The following SMIM7 variants were observed in gnomAD, a reference collection of about 807,000 sequenced individuals.
The protein encoded by SMIM7 is small integral membrane protein 7.
In SMIM7, 12 loss-of-function variants were observed where a neutral mutation model predicts 13.3. That is an observed-to-expected ratio of 0.90 (90% CI 0.58 to 1.46). SMIM7 has a LOEUF of 1.46. Among genes scored for constraint, SMIM7 ranks in the 40% most tolerant of loss-of-function variants. The pLI is 0.00. For synonymous variants in SMIM7, 36 were observed against 35.8 expected, an observed-to-expected ratio of 1.01 and a Z score of -0.02; for missense variants, 114 against 94.8, an observed-to-expected ratio of 1.20 and a Z score of -0.84.
chr19:16,659,877 A>C, intron 2 of SMIM7, 82 bp downstream of exon 2: 3 of 1,525,330 alleles, frequency 2.0e-6, no homozygotes, highest in Non-Finnish European at 2.6e-6. Flanking sequence ...GCGGGGCCTG[A>C]GAAGTGCGCC....
intron 4 of SMIM7, among the ~76,000 whole-genome samples, chr19:16,649,431 G>A (rs1368727861): frequency 6.6e-6 from 1 of 152,002 alleles, no homozygotes; most frequent in Non-Finnish European, 1.5e-5. Context: ...CAAAAAATTA[G>A]GCATGGTGGT....
intron 4 of SMIM7, chr19:16,634,515 A>C (rs926868560): frequency 6.6e-6 from 1 of 152,138 alleles, no homozygotes; most frequent in Non-Finnish European, 1.5e-5. Flanking sequence ...AGTGGCTCAC[A>C]CCTGTAATCC....
chr19:16,643,400 T>TA (rs550918859), downstream of SMIM7, among the ~76,000 whole-genome samples: 518 of 152,244 alleles, frequency 3.4e-3, 2 homozygotes, highest in African/African-American at 0.012. Flanking sequence ...ATTAGTAGTT[T>TA]AAAAAAAATT....
At chr19:16,658,067 C>T (rs567376580) in intron 3 of SMIM7, among the ~76,000 whole-genome samples, 1 of 152,250 alleles carries the variant, frequency 6.6e-6, no homozygotes, top group South Asian at 2.1e-4. Flanking sequence ...CTCAGGGTTC[C>T]CCCATCCTTG....
At chr19:16,641,166 G>A (rs1043082019), downstream of SMIM7, 1 of 152,124 alleles carries the variant, frequency 6.6e-6, no homozygotes, top group Non-Finnish European at 1.5e-5. Context: ...GGCCAAACAG[G>A]TGACATTTTC....
At chr19:16,638,278 C>T (rs997759872) in intron 4 of SMIM7, among the ~76,000 whole-genome samples, 4 of 150,218 alleles carry the variant, frequency 2.7e-5, no homozygotes, top group Non-Finnish European at 5.9e-5. Flanking sequence ...AACCGTGAGG[C>T]AATTAAACCT....
In SMIM7 at chr19:16,654,015, A is replaced by G; in HGVS notation, c.212+20T>C. The G allele has an allele frequency of 1.2e-6, 2 of 1,608,368 alleles. No individual in the cohort carries two copies. The highest frequency in any genetic ancestry group is 1.7e-6 in the Non-Finnish European group (2 of 1,176,170). On this transcript the variant is annotated intron_variant, in intron 4 of 4. Transcript: ENST00000487416. ...GAGACTAAGAGACGACAGTGAAAGG[A>G]AAGGGCAGGCTGGACTCACACAATC...
rs1285652835 is a variant in SMIM7 at position 16,659,671 on chromosome 19, G to A, written c.69-224C>T. 132 of 654,090 alleles carry A rather than the reference G, an allele frequency of 2.0e-4. 1 individual carries two copies. In the East Asian group the frequency reaches 3.4e-3, roughly 17 times the overall value. 40.5% of individuals were successfully genotyped at this position (654,090 alleles called of 1,614,324 possible). ...CGTTTACAAAGTGGCCCGACAGTGC[G>A]GGTGCAGGGCGGAAGGTCCGCGGTG... On this transcript the variant is annotated intron_variant, in intron 2 of 4. Coordinates refer to ENST00000487416, the MANE Select transcript of SMIM7 (RefSeq NM_024104.4).
Position 16,652,754 on chromosome 19 carries a change from T to C in SMIM7, c.212+1281A>G, listed in dbSNP as rs1404512930. On this transcript the variant is annotated intron_variant, in intron 4 of 4. Transcript: ENST00000487416. The stretch of plus-strand genomic sequence containing the variant: ...GGACAGCAACCCCACATTCGGAGTC[T>C]CAATCACTCAGGACAGACAACTTTT... 4 of 1,465,932 alleles carry C rather than the reference T, an allele frequency of 2.7e-6. No individual in the cohort carries two copies. In the African/African-American group the frequency reaches 5.7e-5, roughly 21 times the overall value. 90.8% of individuals were successfully genotyped at this position (1,465,932 alleles called of 1,614,324 possible).
chr19:16,644,470 T>C (rs930189408), downstream of SMIM7, among the ~76,000 whole-genome samples: 1 of 144,494 alleles, frequency 6.9e-6, no homozygotes, highest in Non-Finnish European at 1.5e-5. Flanking sequence ...AAGATCTTGC[T>C]CTGTCACCCA....
intron 2 of SMIM7, chr19:16,659,747 G>A (rs1194266899): frequency 2.9e-6 from 2 of 688,898 alleles, no homozygotes; most frequent in Admixed American, 5.3e-5. Flanking sequence ...GGTGAACAGA[G>A]GGACAACCAA....
At chr19:16,655,008 G>C (rs974202295) in intron 3 of SMIM7, among the ~76,000 whole-genome samples, 1 of 152,088 alleles carries the variant, frequency 6.6e-6, no homozygotes, top group Non-Finnish European at 1.5e-5. Context: ...GGGGAATTGA[G>C]AGCTGCAGAG....
At chr19:16,639,314 G>A (rs1568298192) in intron 4 of SMIM7, among the ~76,000 whole-genome samples, 1 of 151,962 alleles carries the variant, frequency 6.6e-6, no homozygotes, top group Non-Finnish European at 1.5e-5. Flanking sequence ...AGTAGAGACG[G>A]GGTTTCACCG....
chr19:16,656,617 A>G (rs2086600205), intron 3 of SMIM7, among the ~76,000 whole-genome samples: 1 of 151,170 alleles, frequency 6.6e-6, no homozygotes, highest in South Asian at 2.1e-4. Flanking sequence ...AAGCCTTTCC[A>G]GCCGGGTGCC....
In SMIM7 at chr19:16,654,120, T is replaced by C; in HGVS notation, c.127A>G (p.Asn43Asp). Residue 43 changes from asparagine to aspartate, a missense_variant, in exon 4 of 5, where the codon AAC becomes GAC. By Grantham distance (23) the Asn-to-Asp change is conservative. Coordinates refer to ENST00000487416, the MANE Select transcript of SMIM7 (RefSeq NM_024104.4). Reference protein sequence around the residue: ...EESREPSTGDNIREFLLSLRY... With the variant: ...EESREPSTGDDIREFLLSLRY... The stretch of plus-strand genomic sequence containing the variant: ...AGGCTCAGCAAGAATTCCCGGATGT[T>C]GTCACCTGGAAGAATCAGAAAGCAC... The C allele has an allele frequency of 1.2e-6, 2 of 1,613,764 alleles. No homozygotes were observed. Among genetic ancestry groups the C allele is most frequent in the Non-Finnish European group, 1.7e-6 (2 of 1,179,740 alleles).
Position 16,650,225 on chromosome 19 carries a change from A to G in SMIM7, c.213-2964T>C, listed in dbSNP as rs116415802. 5.6e-3 allele frequency among the ~76,000 whole-genome samples: 856 copies of G among 152,284 alleles called. 7 individuals carry two copies. The highest frequency in any genetic ancestry group is 0.019 in the African/African-American group (795 of 41,564). ...GTTGAAACACACTGCCACCACCTACATTCTGCAATTAACACTTTGCTGTAC... is the reference window on the plus strand; with the variant it reads ...GTTGAAACACACTGCCACCACCTACGTTCTGCAATTAACACTTTGCTGTAC... On this transcript the variant is annotated intron_variant, in intron 4 of 4. Coordinates refer to ENST00000487416, the MANE Select transcript of SMIM7 (RefSeq NM_024104.4).
intron 1 of SMIM7, 28 bp downstream of exon 1, chr19:16,660,057 C>G (rs1220335342): frequency 6.2e-7 from 1 of 1,614,070 alleles, no homozygotes; most frequent in African/African-American, 1.3e-5. Flanking sequence ...CTGGCTCTCT[C>G]TTCCCAGCCT....
Position 16,654,082 on chromosome 19 carries a change from T to G in SMIM7, c.165A>C (p.Arg55=). 1 of 1,614,058 alleles carries G rather than the reference T, an allele frequency of 6.2e-7. No homozygotes were observed. The highest frequency in any genetic ancestry group is 8.5e-7 in the Non-Finnish European group (1 of 1,180,010). The change falls in exon 4 of 5, where the codon CGA becomes CGC. Residue 55 remains arginine (R), a synonymous_variant. Coordinates refer to ENST00000487416, the MANE Select transcript of SMIM7 (RefSeq NM_024104.4). ...AGATGTTCCACAGGGCGATGAAGAT[T>G]CGAAAGTATCTGAGGCTCAGCAAGA... The part of the protein sequence containing the change: ...REFLLSLRYF[R]IFIALWNIFM...
chr19:16,654,297 G>A (rs1354142400), intron 3 of SMIM7, among the ~76,000 whole-genome samples, 172 bp from the exon 4 acceptor site: 1 of 151,946 alleles, frequency 6.6e-6, no homozygotes, highest in Non-Finnish European at 1.5e-5. Context: ...ATCAGGCTGT[G>A]TCTACCACTG....
Sources: gnomAD v4.1 joint callset for allele counts (sites outside exome capture counted in the v4.1 genomes callset) on GRCh38, gnomAD v4.1.1 for gene constraint, MANE v1.5 for transcripts, NCBI Gene and HGNC (gene_info 2026-07-23, HGNC 2026-07-21) for gene names.